The following BAZ1A variants were observed in gnomAD, a reference collection of about 807,000 sequenced individuals.
BAZ1A encodes bromodomain adjacent to zinc finger domain protein 1A.
BAZ1A carries 50 observed loss-of-function variants against 185.2 expected under a neutral mutation model. The observed-to-expected ratio is 0.27, with a 90% CI of 0.22 to 0.34. BAZ1A has a LOEUF of 0.34. BAZ1A is among the 10% of genes least tolerant of loss of function. BAZ1A has a pLI of 1.00. For synonymous variants in BAZ1A, 571 were observed against 615.6 expected, an observed-to-expected ratio of 0.93 and a Z score of 1.07; for missense variants, 1,356 against 1,839.9, an observed-to-expected ratio of 0.74 and a Z score of 4.81.
In BAZ1A at chr14:34,817,230, A is replaced by C. The variant is rs963723226; in HGVS notation, c.537-6194T>G. On this transcript the variant is annotated intron_variant, in intron 4 of 26. Transcript: ENST00000360310. The stretch of plus-strand genomic sequence containing the variant: ...TTTACTTATAAATATAAATCAATAC[A>C]CCCCCCCCCAAATATATCAAGATAT... Among the ~76,000 whole-genome samples, 118 of 147,684 alleles carry C rather than the reference A, an allele frequency of 8.0e-4. 1 individual carries two copies. The South Asian group carries it at 0.024, about 30-fold the overall frequency.
At chr14:34,794,365 C>T (rs1326644100) in intron 11 of BAZ1A, among the ~76,000 whole-genome samples, 1 of 152,120 alleles carries the variant, frequency 6.6e-6, no homozygotes, top group African/African-American at 2.4e-5. Flanking sequence ...TATACCACTC[C>T]CTGCTCAAGA....
chr14:34,847,182 T>C (rs931437477), intron 3 of BAZ1A, among the ~76,000 whole-genome samples: 4 of 148,512 alleles, frequency 2.7e-5, no homozygotes, highest in Non-Finnish European at 4.4e-5. Context: ...ACCCAGGAGG[T>C]AGAGGTTTGC....
rs150563335 is a variant in BAZ1A at position 34,791,975 on chromosome 14, C to T, written c.1510+800G>A. On this transcript the variant is annotated intron_variant, in intron 12 of 26. Transcript: ENST00000360310. ...ATTTAAGCGTGCAGAACTTAAAGGG[C>T]AAATTATCTAGTTCAAACTCAGAAG... is the stretch of plus-strand genomic sequence containing the variant. Among the ~76,000 whole-genome samples the T allele has an allele frequency of 6.2e-3, 939 of 152,260 alleles. 17 individuals carry two copies. Among genetic ancestry groups the T allele is most frequent in the African/African-American group, 0.022 (907 of 41,532 alleles).
Position 34,785,774 on chromosome 14 carries a change from T to C in BAZ1A, c.1831+3A>G. ...TATGCAAATTCCAACTTGCAAAGCT[T>C]ACCTGGTGTCAAATCATACACTGAG... On this transcript the variant is annotated splice_donor_region_variant and intron_variant, in intron 14 of 26. Transcript: ENST00000360310. 3 of 1,613,622 alleles carry C rather than the reference T, an allele frequency of 1.9e-6. No homozygotes were observed. Among genetic ancestry groups the C allele is most frequent in the Non-Finnish European group, 2.5e-6 (3 of 1,179,912 alleles).
intron 9 of BAZ1A, among the ~76,000 whole-genome samples, chr14:34,798,040 G>A (rs1881300107): frequency 6.6e-6 from 1 of 152,268 alleles, no homozygotes; most frequent in African/African-American, 2.4e-5. Flanking sequence ...GGCTCAGCGG[G>A]TCCCATGCCC....
intron 2 of BAZ1A, among the ~76,000 whole-genome samples, chr14:34,871,513 T>C (rs571814633): frequency 2.6e-5 from 4 of 152,372 alleles, no homozygotes; most frequent in Admixed American, 2.6e-4. Flanking sequence ...TTCTGCTACA[T>C]AATCACTGAG....
At chr14:34,835,765 G>A (rs1402053993) in intron 3 of BAZ1A, among the ~76,000 whole-genome samples, 1 of 150,638 alleles carries the variant, frequency 6.6e-6, no homozygotes, top group African/African-American at 2.5e-5. Context: ...TCTGCCTCCC[G>A]GGTTCAAGCA....
At position 34,753,169 on chromosome 14, in the gene BAZ1A, C is replaced by G; in HGVS notation, c.*339G>C. The G allele has an allele frequency of 4.5e-6, 1 of 222,256 alleles. No homozygotes were observed. The highest frequency in any genetic ancestry group is 1.1e-4 in the East Asian group (1 of 9,494). The allele number at this position is 222,256 out of a possible 1,614,324, so 13.8% of individuals were successfully genotyped here. ...GTAGATAACTCTCCCTTAATACCAC[C>G]ACTTTAAAAAAAAATCATCAATAAC... On this transcript the variant is annotated 3_prime_UTR_variant, in exon 27 of 27. Coordinates refer to ENST00000360310, the MANE Select transcript of BAZ1A (RefSeq NM_013448.3).
At chr14:34,871,766 G>C (rs139006715) in intron 2 of BAZ1A, among the ~76,000 whole-genome samples, 1 of 152,168 alleles carries the variant, frequency 6.6e-6, no homozygotes, top group Non-Finnish European at 1.5e-5. Flanking sequence ...CCAGCTACTC[G>C]GGAGGCTGAG....
At chr14:34,767,583 C>T (rs534325701) in intron 21 of BAZ1A, among the ~76,000 whole-genome samples, 2 of 152,096 alleles carry the variant, frequency 1.3e-5, no homozygotes. Flanking sequence ...GTAGAGTCCA[C>T]TTAAATGCAT....
chr14:34,781,706 AG>A (rs1017481909), intron 16 of BAZ1A, among the ~76,000 whole-genome samples: 2 of 152,186 alleles, frequency 1.3e-5, no homozygotes, highest in Non-Finnish European at 2.9e-5. Context: ...CATGTTAGCC[AG>A]GTTGGTCTCA....
chr14:34,774,352 T>G lies in BAZ1A; in HGVS notation c.2972A>C (p.Tyr991Ser), dbSNP rs1460115355. ...CTTGATGGCTCCTAATGTTCCTTGGTAGATTCTATCTTCAATATCTAAAAG... is the reference window on the plus strand; with the variant it reads ...CTTGATGGCTCCTAATGTTCCTTGGGAGATTCTATCTTCAATATCTAAAAG... ...DFLLDIEDRI[Y>S]QGTLGAIKVT... The change falls in exon 19 of 27, where the codon TAC (tyrosine) becomes TCC (serine). Residue 991 changes from tyrosine to serine, a missense_variant. Physicochemically the swap from Tyr to Ser is moderately radical, Grantham distance 144. This residue lies in a region of BAZ1A where 434 missense variants were observed against 561.7 expected (regional missense o/e 0.77). Coordinates refer to ENST00000360310, the MANE Select transcript of BAZ1A (RefSeq NM_013448.3). 6.2e-7 allele frequency: 1 copy of G among 1,612,884 alleles called. No individual in the cohort carries two copies. The highest frequency in any genetic ancestry group is 1.7e-5 in the Admixed American group (1 of 59,770).
At chr14:34,872,636 A>G (rs1360196250) in intron 2 of BAZ1A, among the ~76,000 whole-genome samples, 1 of 152,166 alleles carries the variant, frequency 6.6e-6, no homozygotes, top group East Asian at 1.9e-4. Context: ...TGGAAGACAG[A>G]TAGTTCTGGA....
At chr14:34,829,376 G>C (rs1359496716) in intron 3 of BAZ1A, among the ~76,000 whole-genome samples, 3 of 150,992 alleles carry the variant, frequency 2.0e-5, no homozygotes, top group Non-Finnish European at 4.4e-5. Flanking sequence ...GGGTGACTGA[G>C]TGAGACTATC....
rs192471155 is a variant in BAZ1A, at chr14:34,843,562, G to A, written c.393-17406C>T. On this transcript the variant is annotated intron_variant, in intron 3 of 26. Coordinates refer to ENST00000360310, the MANE Select transcript of BAZ1A (RefSeq NM_013448.3). ...CTAGCCAGGTCAGCCCAGACTCTAA[G>A]AACATTGCAGCCAACCACAGAATTG... Among the ~76,000 whole-genome samples the A allele has an allele frequency of 6.1e-3, 934 of 152,230 alleles. 18 individuals carry two copies. Among genetic ancestry groups the A allele is most frequent in the African/African-American group, 0.022 (902 of 41,532 alleles).
intron 2 of BAZ1A, among the ~76,000 whole-genome samples, chr14:34,872,129 G>A (rs2138847252): frequency 6.6e-6 from 1 of 152,224 alleles, no homozygotes; most frequent in African/African-American, 2.4e-5. Flanking sequence ...TTAATTCAGG[G>A]TAAATGGTCA....
intron 12 of BAZ1A, among the ~76,000 whole-genome samples, chr14:34,787,500 A>G (rs1880557392): frequency 6.6e-6 from 1 of 151,840 alleles, no homozygotes; most frequent in Admixed American, 6.6e-5. Context: ...CCTGGCCAAC[A>G]TGGTGAAACC....
At chr14:34,789,605 C>T (rs1880709842) in intron 12 of BAZ1A, among the ~76,000 whole-genome samples, 1 of 152,106 alleles carries the variant, frequency 6.6e-6, no homozygotes, top group African/African-American at 2.4e-5. Flanking sequence ...CAAAACTGTT[C>T]TATATAAAGA....
intron 2 of BAZ1A, among the ~76,000 whole-genome samples, chr14:34,864,776 A>T (rs980559237): frequency 2.9e-4 from 41 of 140,502 alleles, no homozygotes; most frequent in South Asian, 1.1e-3. Context: ...AGCGCAATAA[A>T]TTTTTTTTTT....
Sources: gnomAD v4.1 joint callset for allele counts (sites outside exome capture counted in the v4.1 genomes callset) on GRCh38, gnomAD v4.1.1 for gene constraint, gnomAD v4.1.1 regional missense constraint, MANE v1.5 for transcripts, NCBI Gene and HGNC (gene_info 2026-07-23, HGNC 2026-07-21) for gene names.